The following ARHGAP32 variants were observed in gnomAD, a reference collection of about 807,000 sequenced individuals.
ARHGAP32 encodes rho GTPase-activating protein 32.
In ARHGAP32, 51 loss-of-function variants were observed where a neutral mutation model predicts 186.5. The observed-to-expected ratio is 0.27, with a 90% confidence interval of 0.22 to 0.35. The LOEUF (loss-of-function observed/expected upper bound fraction) is 0.35. Ranked by LOEUF, ARHGAP32 falls within the 10% of genes least tolerant of loss-of-function variation. The probability of loss-of-function intolerance (pLI) is 1.00; values close to 1 mark genes in which losing one functional copy is unlikely to be tolerated. For synonymous variants in ARHGAP32, 950 were observed against 964.3 expected, an observed-to-expected ratio of 0.99 and a Z score of 0.27; for missense variants, 2,186 against 2,623.5, an observed-to-expected ratio of 0.83 and a Z score of 3.64.
Position 128,974,818 on chromosome 11 carries a change from C to T in ARHGAP32, c.2379G>A (p.Glu793=). Residue 793 remains glutamate (E), a synonymous_variant, in exon 21 of 23, where the codon GAG becomes GAA. Transcript: ENST00000682385. ...IPALMSPHSA[E]DVDLSPPDIG... The stretch of plus-strand genomic sequence containing the variant: ...TGTCTGGTGGGCTCAAGTCAACATC[C>T]TCAGCTGAATGAGGAGACATAAGGG... The T allele has an allele frequency of 6.2e-7, 1 of 1,614,088 alleles. No individual in the cohort carries two copies. The highest frequency in any genetic ancestry group is 8.5e-7 in the Non-Finnish European group (1 of 1,180,000).
At chr11:129,079,139 T>C (rs1829361653) in intron 6 of ARHGAP32, among the ~76,000 whole-genome samples, 1 of 152,222 alleles carries the variant, frequency 6.6e-6, no homozygotes, top group Non-Finnish European at 1.5e-5. Context: ...GTAACAATAA[T>C]TAGTATTCCC....
At chr11:129,260,804 C>T (rs1945311973) in intron 1 of ARHGAP32, among the ~76,000 whole-genome samples, 1 of 152,042 alleles carries the variant, frequency 6.6e-6, no homozygotes, top group South Asian at 2.1e-4. Flanking sequence ...AAAATATTAG[C>T]CAATAATTAA....
chr11:129,196,855 G>A (rs555421076), upstream of ARHGAP32, among the ~76,000 whole-genome samples: 18 of 152,140 alleles, frequency 1.2e-4, no homozygotes, highest in East Asian at 3.9e-4. Flanking sequence ...TCTGGAGTTC[G>A]AGACCAGCCT....
At chr11:129,162,330 T>A (rs1372004156) in intron 2 of ARHGAP32, among the ~76,000 whole-genome samples, 2 of 152,134 alleles carry the variant, frequency 1.3e-5, no homozygotes, top group Non-Finnish European at 2.9e-5. Context: ...CACATAATAA[T>A]ATTTTTAAAA....
chr11:129,155,379 T>C (rs1280182001), intron 2 of ARHGAP32, among the ~76,000 whole-genome samples: 1 of 152,228 alleles, frequency 6.6e-6, no homozygotes, highest in Non-Finnish European at 1.5e-5. Context: ...ATATCTATTA[T>C]TTTGTTATCA....
chr11:128,984,937 G>A (rs542062676), intron 15 of ARHGAP32, among the ~76,000 whole-genome samples: 2 of 152,178 alleles, frequency 1.3e-5, no homozygotes, highest in Non-Finnish European at 2.9e-5. Flanking sequence ...ATTGTATACA[G>A]ATAGTCTCCA....
intron 1 of ARHGAP32, among the ~76,000 whole-genome samples, chr11:129,179,104 A>G (rs1270948460): frequency 6.6e-6 from 1 of 151,876 alleles, no homozygotes; most frequent in Non-Finnish European, 1.5e-5. Flanking sequence ...CAAGAAAAAA[A>G]CAAACAACCC....
chr11:129,243,419 C>T (rs557242702), intron 1 of ARHGAP32, among the ~76,000 whole-genome samples: 101 of 152,244 alleles, frequency 6.6e-4, no homozygotes, highest in African/African-American at 2.3e-3. Context: ...ACAGTACTAT[C>T]CTCAATACAA....
At chr11:129,037,432 C>T (rs1321462511) in intron 11 of ARHGAP32, among the ~76,000 whole-genome samples, 1 of 151,758 alleles carries the variant, frequency 6.6e-6, no homozygotes, top group Non-Finnish European at 1.5e-5. Context: ...AGTTTGAGGA[C>T]TTGTGAACTA....
chr11:129,204,487 C>A lies in ARHGAP32; in HGVS notation c.-4-40060G>T, dbSNP rs547923652. Among the ~76,000 whole-genome samples, 225 of 152,292 alleles carry A rather than the reference C, an allele frequency of 1.5e-3. 2 individuals are homozygous for A. Among genetic ancestry groups the A allele is most frequent in the Middle Eastern group, 3.4e-3 (1 of 294 alleles). ...AAAAGCTCAAGGTATTGCACACATT[C>A]AGTAGAGTTTCTCCCACGAAACTAG... is the stretch of plus-strand genomic sequence containing the variant. On this transcript the variant is annotated intron_variant, in intron 1 of 6. Transcript: ENST00000525234.
In ARHGAP32 at chr11:129,214,383, C is replaced by T. The variant is rs60849554; in HGVS notation, c.-4-49956G>A. On this transcript the variant is annotated intron_variant, in intron 1 of 6. Transcript: ENST00000525234. ...AGAAGTCTCTGTTCTATATCTGCAACTTTTCCATAAATCTAAAATTATTCT... is the reference window on the plus strand; with the variant it reads ...AGAAGTCTCTGTTCTATATCTGCAATTTTTCCATAAATCTAAAATTATTCT... Among the ~76,000 whole-genome samples the T allele has an allele frequency of 0.018, 2,707 of 152,290 alleles. 190 individuals are homozygous for T. In the South Asian group the frequency reaches 0.19, roughly 11 times the overall value.
chr11:128,989,949 T>C (rs1466434197), intron 12 of ARHGAP32, among the ~76,000 whole-genome samples: 2 of 152,088 alleles, frequency 1.3e-5, no homozygotes, highest in Non-Finnish European at 2.9e-5. Context: ...TTTTTCTTTA[T>C]CCAGTCAGAG....
chr11:129,000,812 ACT>A (rs1389902107), intron 11 of ARHGAP32, among the ~76,000 whole-genome samples: 2 of 150,532 alleles, frequency 1.3e-5, no homozygotes, highest in East Asian at 3.9e-4. Context: ...CCATCCTTCT[ACT>A]CTCTGTCTCC....
chr11:129,171,474 G>T (rs1466632720), intron 1 of ARHGAP32, among the ~76,000 whole-genome samples: 2 of 152,054 alleles, frequency 1.3e-5, no homozygotes, highest in Admixed American at 1.3e-4. Flanking sequence ...AAAGATCAGA[G>T]GGTTGTAGAT....
At position 128,978,939 on chromosome 11, in the gene ARHGAP32, A is replaced by T. The variant is rs1945630347; in HGVS notation, c.1977-24T>A. 6.3e-6 allele frequency: 10 copies of T among 1,588,534 alleles called. No individual in the cohort carries two copies. The East Asian group carries it at 1.8e-4, about 28-fold the overall frequency. On this transcript the variant is annotated intron_variant, in intron 18 of 22. Coordinates refer to ENST00000682385, the MANE Select transcript of ARHGAP32 (RefSeq NM_001378024.1). Reference sequence around the variant, plus strand: ...TTCTATGAAAGAGAAAAAATAATCAACATTAAGATAGCCATGGGTCTGTCT... The same window carrying T: ...TTCTATGAAAGAGAAAAAATAATCATCATTAAGATAGCCATGGGTCTGTCT...
At chr11:129,112,441 A>G (rs1942248538) in intron 5 of ARHGAP32, among the ~76,000 whole-genome samples, 1 of 151,904 alleles carries the variant, frequency 6.6e-6, no homozygotes, top group Non-Finnish European at 1.5e-5. Flanking sequence ...TCCTGCTAAA[A>G]CTAGAAAGTT....
At position 129,123,776 on chromosome 11, in the gene ARHGAP32, C is replaced by A; in HGVS notation, c.359+112G>T. 3 of 925,116 alleles carry A rather than the reference C, an allele frequency of 3.2e-6. No individual in the cohort carries two copies. Among genetic ancestry groups the A allele is most frequent in the Admixed American group, 2.9e-5 (1 of 34,364 alleles). The allele number at this position is 925,116 out of a possible 1,614,324, so 57.3% of individuals were successfully genotyped here. ...TCACCGTTATCTCCTAATTTTGACC[C>A]GAATCAATGTCCATAGAAAAACTGC... On this transcript the variant is annotated intron_variant, in intron 4 of 22. Transcript: ENST00000682385. This position sits in a 1 kb window ranked among gnomAD's most constrained non-coding sequence, Gnocchi z 4.6.
exon 1 of ARHGAP32, chr11:129,279,306 C>T (rs1945580486): frequency 7.0e-6 from 1 of 143,850 alleles, no homozygotes; most frequent in Non-Finnish European, 1.5e-5. Context: ...CGAGGGCAGC[C>T]GCGGGGGCTC....
intron 13 of ARHGAP32, among the ~76,000 whole-genome samples, chr11:128,987,808 G>A (rs754714023): frequency 6.6e-6 from 1 of 152,016 alleles, no homozygotes; most frequent in Non-Finnish European, 1.5e-5. Flanking sequence ...CAAAATACAA[G>A]TACTGAAGAG....
Sources: allele counts gnomAD v4.1 joint callset (sites outside exome capture counted in the v4.1 genomes callset), GRCh38; gene constraint gnomAD v4.1.1; non-coding constraint Gnocchi (gnomAD v3.1); transcripts MANE v1.5; gene names NCBI Gene and HGNC (gene_info 2026-07-23, HGNC 2026-07-21).